SENP7: variants seen among roughly 807,000 people sequenced by gnomAD.
The protein encoded by SENP7 is SUMO specific peptidase 7.
In SENP7, 64 loss-of-function variants were observed where a neutral mutation model predicts 141.2. The observed-to-expected ratio is 0.45, with a 90% CI of 0.37 to 0.56. The LOEUF is 0.56. Ranked by LOEUF, SENP7 falls within the 20% of genes least tolerant of loss-of-function variation. The pLI is 0.00. For synonymous variants in SENP7, 382 were observed against 426.4 expected, an observed-to-expected ratio of 0.90 and a Z score of 1.28; for missense variants, 1,025 against 1,212.2, an observed-to-expected ratio of 0.85 and a Z score of 2.29.
chr3:101,473,575 T>C, intron 3 of SENP7, among the ~76,000 whole-genome samples: 1 of 152,150 alleles, frequency 6.6e-6, no homozygotes, highest in East Asian at 1.9e-4. Context: ...GCCCACTTTA[T>C]AATGGGGTTG....
In SENP7 at chr3:101,415,375, T is replaced by A. The variant is rs529708447; in HGVS notation, c.482+2218A>T. 3.5e-4 allele frequency among the ~76,000 whole-genome samples: 53 copies of A among 152,306 alleles called. 2 individuals are homozygous for A. The South Asian group carries it at 0.011, about 32-fold the overall frequency. ...TACGGGAAGCATAATTACTGCCTGA[T>A]GGACCCTGAGGCTGTGTGTAGCAAA... On this transcript the variant is annotated intron_variant, in intron 5 of 23. Transcript: ENST00000394095.
intron 3 of SENP7, among the ~76,000 whole-genome samples, chr3:101,468,279 A>C (rs1395470595): frequency 1.3e-5 from 2 of 152,192 alleles, no homozygotes; most frequent in Admixed American, 1.3e-4. Flanking sequence ...GTTGGAAAAC[A>C]CTCCTCAGGA....
rs776250326 is a variant in SENP7, at chr3:101,462,866, T to TA, written c.187-3815dup. The stretch of plus-strand genomic sequence containing the variant: ...CTGGGCAAAAGAGCGAGACTCTGTC[T>TA]AAAAAAAAAAAGAAGAAACCACTAA... On this transcript the variant is annotated intron_variant, in intron 3 of 23. Coordinates refer to ENST00000394095, the MANE Select transcript of SENP7 (RefSeq NM_020654.5). Among the ~76,000 whole-genome samples, 218 of 142,308 alleles carry TA rather than the reference T, an allele frequency of 1.5e-3. 2 individuals are homozygous for TA. Among genetic ancestry groups the TA allele is most frequent in the Non-Finnish European group, 2.4e-3 (158 of 64,848 alleles). 93.4% of individuals were successfully genotyped at this position (142,308 alleles called of 152,430 possible). A position where few individuals can be genotyped will look rare whatever the true frequency, so the allele number is the denominator to read the frequency against.
chr3:101,461,350 A>G (rs749506194), intron 3 of SENP7, among the ~76,000 whole-genome samples: 1 of 152,166 alleles, frequency 6.6e-6, no homozygotes, highest in Non-Finnish European at 1.5e-5. Context: ...AAATATCAAT[A>G]ACATTCTTCC....
intron 11 of SENP7, among the ~76,000 whole-genome samples, chr3:101,355,960 A>AT (rs973095959): frequency 6.6e-6 from 1 of 151,320 alleles, no homozygotes; most frequent in Non-Finnish European, 1.5e-5. Context: ...TATTTTATTC[A>AT]TTTTGTGGCA....
intron 3 of SENP7, among the ~76,000 whole-genome samples, chr3:101,463,416 T>TATATATATATAC (rs1175438899): frequency 8.6e-6 from 1 of 116,506 alleles, no homozygotes; most frequent in East Asian, 2.6e-4. Flanking sequence ...TATATATATA[T>TATATATATATAC]ACACACACAT....
chr3:101,492,387 C>T (rs2065002355), intron 3 of SENP7, among the ~76,000 whole-genome samples: 2 of 151,870 alleles, frequency 1.3e-5, no homozygotes, highest in Admixed American at 6.6e-5. Context: ...AAAAAAAATA[C>T]GTAAATAAAT....
intron 4 of SENP7, among the ~76,000 whole-genome samples, chr3:101,449,254 C>T (rs1261772874): frequency 1.3e-5 from 2 of 152,230 alleles, no homozygotes; most frequent in Non-Finnish European, 1.5e-5. Context: ...ATTGGTGTAC[C>T]TGAAAGTGAC....
intron 4 of SENP7, among the ~76,000 whole-genome samples, chr3:101,440,662 T>G (rs181434999): frequency 1.2e-4 from 18 of 149,796 alleles, no homozygotes; most frequent in Admixed American, 8.0e-4. Context: ...GTTTTCCAAC[T>G]CATTCTATAA....
chr3:101,388,215 A>G (rs952156684), intron 6 of SENP7, among the ~76,000 whole-genome samples: 1 of 152,138 alleles, frequency 6.6e-6, no homozygotes, highest in Admixed American at 6.5e-5. Context: ...CACCACCAGC[A>G]CAACTGTTAG....
intron 17 of SENP7, among the ~76,000 whole-genome samples, chr3:101,333,943 T>C (rs1000890822): frequency 6.6e-6 from 1 of 152,202 alleles, no homozygotes; most frequent in Non-Finnish European, 1.5e-5. Context: ...AAGATGAAAC[T>C]GTTCCTCCTC....
chr3:101,484,638 G>A (rs771827601), intron 3 of SENP7, among the ~76,000 whole-genome samples: 28 of 152,120 alleles, frequency 1.8e-4, no homozygotes, highest in Non-Finnish European at 2.9e-4. Flanking sequence ...GTCTGTTTGC[G>A]GGAGAAGTTT....
intron 6 of SENP7, among the ~76,000 whole-genome samples, chr3:101,391,073 C>T (rs1464386235): frequency 6.6e-6 from 1 of 151,834 alleles, no homozygotes; most frequent in Non-Finnish European, 1.5e-5. Context: ...CATACCATAA[C>T]ATATGGGATC....
chr3:101,429,149 G>A (rs1235029330), intron 4 of SENP7, among the ~76,000 whole-genome samples: 1 of 152,140 alleles, frequency 6.6e-6, no homozygotes, highest in Non-Finnish European at 1.5e-5. Flanking sequence ...TGTTCTTTTG[G>A]CTTAGGATTG....
chr3:101,348,665 T>A (rs778171342), intron 12 of SENP7, among the ~76,000 whole-genome samples: 1 of 152,132 alleles, frequency 6.6e-6, no homozygotes, highest in African/African-American at 2.4e-5. Flanking sequence ...TAAGGAGACA[T>A]TTCTTTTAAA....
At chr3:101,375,979 G>T (rs2060317336) in intron 6 of SENP7, among the ~76,000 whole-genome samples, 1 of 152,130 alleles carries the variant, frequency 6.6e-6, no homozygotes, top group African/African-American at 2.4e-5. Flanking sequence ...GGAGAATGGG[G>T]AATTATTATT....
At chr3:101,445,167 G>C (rs1460110732) in intron 4 of SENP7, among the ~76,000 whole-genome samples, 1 of 152,116 alleles carries the variant, frequency 6.6e-6, no homozygotes, top group East Asian at 1.9e-4. Context: ...TAGGCCAGGA[G>C]AGAATGGGAT....
At chr3:101,422,843 T>C (rs1258974199) in intron 4 of SENP7, among the ~76,000 whole-genome samples, 2 of 152,116 alleles carry the variant, frequency 1.3e-5, no homozygotes, top group East Asian at 3.9e-4. Flanking sequence ...TGTTTGCCTA[T>C]GAATAAAAAA....
chr3:101,440,569 A>T (rs1354657165), intron 4 of SENP7, among the ~76,000 whole-genome samples: 1 of 136,972 alleles, frequency 7.3e-6, no homozygotes, highest in African/African-American at 3.2e-5. Flanking sequence ...AATTATCAAT[A>T]AAAAAATAAA....
Sources: gnomAD v4.1 joint callset for allele counts (sites outside exome capture counted in the v4.1 genomes callset) on GRCh38, gnomAD v4.1.1 for gene constraint, MANE v1.5 for transcripts, NCBI Gene and HGNC (gene_info 2026-07-23, HGNC 2026-07-21) for gene names.